Variants in NELFA observed in about 807,000 individuals in gnomAD.
NELFA encodes negative elongation factor complex member A.
A neutral mutation model predicts 51.8 loss-of-function variants in NELFA; 35 were observed. That is an observed-to-expected ratio of 0.68 (90% CI 0.52 to 0.90). NELFA has a LOEUF of 0.90. Among genes scored for constraint, NELFA ranks in the 40% least tolerant of loss-of-function variants. NELFA has a pLI of 0.00. For missense variants in NELFA, 658 were observed against 746.4 expected (o/e 0.88, Z 1.38); for synonymous variants, 417 against 338.4 (o/e 1.23, Z -2.55).
At chr4:2,006,902 C>T (rs1487044798) in intron 1 of NELFA, 5 of 151,316 alleles carry the variant, frequency 3.3e-5, no homozygotes, top group Non-Finnish European at 7.3e-5. Context: ...GACACTCTTA[C>T]AAAACAATGG....
chr4:1,984,261 G>A (rs1728012127), intron 8 of NELFA, 148 bp from the exon 9 acceptor site: 2 of 944,326 alleles, frequency 2.1e-6, no homozygotes, highest in East Asian at 5.5e-5. Context: ...CAAGGCACAG[G>A]CCCCAGAAGC....
At chr4:2,004,830 CAG>C (rs1361735892) in intron 1 of NELFA, among the ~76,000 whole-genome samples, 1 of 123,008 alleles carries the variant, frequency 8.1e-6, no homozygotes, top group Non-Finnish European at 1.7e-5. Context: ...TTTTTGGAGA[CAG>C]AGTCTTGCTG....
chr4:1,984,019 G>A lies in NELFA; in HGVS notation c.1131C>T (p.Tyr377=). ...PAQFKQRAPM[Y]NSGLSPATPT... Reference sequence around the variant, plus strand: ...GTGTGGCAGGGCTCAGGCCGCTGTTGTACATGGGCGCCCGCTGCTTGAACT... The same window carrying A: ...GTGTGGCAGGGCTCAGGCCGCTGTTATACATGGGCGCCCGCTGCTTGAACT... Residue 377 remains tyrosine (Y), a synonymous_variant, in exon 9 of 11, where the codon TAC becomes TAT. Coordinates refer to ENST00000382882, the MANE Select transcript of NELFA (RefSeq NM_005663.5). 2 of 1,608,138 alleles carry A rather than the reference G, an allele frequency of 1.2e-6. No homozygotes were observed. The highest frequency in any genetic ancestry group is 1.1e-5 in the South Asian group (1 of 90,996).
chr4:1,985,844 G>C lies in NELFA; in HGVS notation c.856C>G (p.Pro286Ala), dbSNP rs765938284. 6.2e-7 allele frequency: 1 copy of C among 1,613,064 alleles called. No individual in the cohort carries two copies. Among genetic ancestry groups the C allele is most frequent in the South Asian group, 1.1e-5 (1 of 90,984 alleles). The change falls in exon 7 of 11, where the codon CCG (proline) becomes GCG (alanine). Residue 286 changes from proline to alanine, a missense_variant. Around this residue, in one of 3 missense-constraint regions of NELFA, gnomAD observed 371 missense variants for 448.3 expected, o/e 0.83. Coordinates refer to ENST00000382882, the MANE Select transcript of NELFA (RefSeq NM_005663.5). ...TCCACCACCGTTTCCTCCTTGGCCG[G>C]CTTCTCCACCACCTCCGCATCTGTG... ...KTLDAEVVEK[P>A]AKEETVVENA...
rs745357806 is a variant in NELFA, at chr4:1,983,426, C to T, written c.1480G>A (p.Gly494Ser). 5.6e-6 allele frequency: 9 copies of T among 1,614,084 alleles called. No individual in the cohort carries two copies. The highest frequency in any genetic ancestry group is 2.2e-5 in the East Asian group (1 of 44,894). Residue 494 changes from glycine (G) to serine (S), a missense_variant, in exon 11 of 11, where the codon GGC becomes AGC. By Grantham distance (56) the Gly-to-Ser change is moderately conservative. This residue lies in a region of NELFA where 87 missense variants were observed against 130.2 expected (regional missense o/e 0.67). Coordinates refer to ENST00000382882, the MANE Select transcript of NELFA (RefSeq NM_005663.5). ...ACCAGCATGGTTGTGCTACCCTGGC[C>T]GTCCGCCTTGGGCAGGTCCTCCGTG... ...EHTEDLPKAD[G>S]QGSTTMLVDT... is the part of the protein sequence containing the mutation.
chr4:2,001,963 G>A (rs1728578697), intron 1 of NELFA, among the ~76,000 whole-genome samples: 3 of 150,978 alleles, frequency 2.0e-5, no homozygotes, highest in Admixed American at 6.6e-5. Context: ...CACTTTGGGA[G>A]GCCGAGGCGG....
chr4:1,992,516 C>A, intron 1 of NELFA: 1 of 416,360 alleles, frequency 2.4e-6, no homozygotes, highest in Non-Finnish European at 4.8e-6. Flanking sequence ...CATGCGCCCA[C>A]TGGGCTGCTC....
At chr4:1,998,506 C>T (rs563522974) in intron 1 of NELFA, among the ~76,000 whole-genome samples, 21 of 152,132 alleles carry the variant, frequency 1.4e-4, no homozygotes, top group African/African-American at 4.8e-4. Context: ...ATGAGTCATC[C>T]GCAAGTATTA....
At chr4:2,005,702 CAAACAAACAAACAAACAAAAACAAAA>C (rs1412637212) in intron 1 of NELFA, among the ~76,000 whole-genome samples, 1 of 151,252 alleles carries the variant, frequency 6.6e-6, no homozygotes, top group Non-Finnish European at 1.5e-5. Flanking sequence ...AAAAAACAAA[CAAACAAACAAACAAACAAAAACAAAA>C]ATCAACGCAT....
rs1728212680 is a variant in NELFA, at chr4:1,989,557, G to GTTT, written c.544+150_544+151insAAA. 6.2e-6 allele frequency: 5 copies of GTTT among 809,164 alleles called. No homozygotes were observed. The highest frequency in any genetic ancestry group is 9.6e-6 in the Non-Finnish European group (5 of 520,058). 50.1% of individuals were successfully genotyped at this position (809,164 alleles called of 1,614,324 possible). ...TGGTCTCAAACTCCTGGGCTCAAAC[G>GTTT]ACCCACCTGCCCCAGCCTCCCAACA... On this transcript the variant is annotated intron_variant, in intron 3 of 10. Transcript: ENST00000382882. The surrounding 1 kb of genome is among the most constrained non-coding windows in gnomAD (Gnocchi z 4.8).
chr4:1,987,843 G>T, intron 4 of NELFA, 75 bp downstream of exon 4: 1 of 1,273,918 alleles, frequency 7.8e-7, no homozygotes, highest in Non-Finnish European at 1.1e-6. Context: ...CTCCCCAACA[G>T]GGAGCGGGTC....
At chr4:2,000,477 T>C (rs1309865973) in intron 1 of NELFA, among the ~76,000 whole-genome samples, 2 of 152,176 alleles carry the variant, frequency 1.3e-5, no homozygotes, top group South Asian at 2.1e-4. Flanking sequence ...CTATCACAAC[T>C]GACCCCACAG....
Position 1,984,033 on chromosome 4 carries a change from G to T in NELFA, c.1117C>A (p.Arg373=). 6.2e-7 allele frequency: 1 copy of T among 1,606,864 alleles called. No homozygotes were observed. Among genetic ancestry groups the T allele is most frequent in the Non-Finnish European group, 8.5e-7 (1 of 1,179,300 alleles). Residue 373 remains arginine (R), a synonymous_variant, in exon 9 of 11, where the codon CGG becomes AGG. Transcript: ENST00000382882. ...AGGCCGCTGTTGTACATGGGCGCCCGCTGCTTGAACTGCGCTGGCAACGTG... is the reference window on the plus strand; with the variant it reads ...AGGCCGCTGTTGTACATGGGCGCCCTCTGCTTGAACTGCGCTGGCAACGTG... ...SPTLPAQFKQ[R]APMYNSGLSP...
In NELFA at chr4:1,989,691, C is replaced by A. The variant is rs149036374; in HGVS notation, c.544+17G>T. On this transcript the variant is annotated intron_variant, in intron 3 of 10. Transcript: ENST00000382882. This position sits in a 1 kb window ranked among gnomAD's most constrained non-coding sequence, Gnocchi z 4.8. ...AAACTACAAAGACAATGCCCGATGG[C>A]GGCCGCGGCCACTCACACTTCTGCA... 1.2e-6 allele frequency: 2 copies of A among 1,609,416 alleles called. No homozygotes were observed. The highest frequency in any genetic ancestry group is 3.4e-5 in the Admixed American group (2 of 59,370).
chr4:1,988,060 C>T (rs769506359), intron 3 of NELFA, 53 bp from the exon 4 acceptor site: 26 of 1,488,842 alleles, frequency 1.7e-5, no homozygotes, highest in Non-Finnish European at 2.2e-5. Context: ...GAGCCCTTGG[C>T]CCTTGTAAAA....
Position 1,984,097 on chromosome 4 carries a change from T to A in NELFA, c.1053A>T (p.Glu351Asp). Residue 351 changes from glutamate (E) to aspartate (D), a missense_variant, in exon 9 of 11, where the codon GAA (glutamate) becomes GAT (aspartate). Around this residue, in one of 3 missense-constraint regions of NELFA, gnomAD observed 200 missense variants for 167.9 expected, o/e 1.19. Transcript: ENST00000382882. ...TGGGCTCCTCTGGTGGGCGGCTGGC[T>A]TCCCGGGAAGATGGGGCTGCAAGTA... The part of the protein sequence containing the change: ...SETPPAPSSR[E>D]ASRPPEEPSA... The A allele has an allele frequency of 6.4e-7, 1 of 1,572,940 alleles. No individual in the cohort carries two copies. Among genetic ancestry groups the A allele is most frequent in the Non-Finnish European group, 8.6e-7 (1 of 1,166,182 alleles).
rs1451519534 is a variant in NELFA at position 1,991,685 on chromosome 4, G to C, written c.241C>G (p.Leu81Val). The C allele has an allele frequency of 3.1e-6, 5 of 1,611,634 alleles. No homozygotes were observed. The highest frequency in any genetic ancestry group is 1.7e-5 in the Admixed American group (1 of 59,476). Residue 81 changes from leucine (L) to valine (V), a missense_variant, in exon 2 of 11, where the codon CTC (leucine) becomes GTC (valine). Physicochemically the swap from Leu to Val is conservative, Grantham distance 32. Transcript: ENST00000382882. ...CAGGGGTCCGAGTCGAGGCTGGCGA[G>C]CTGGATGATCTCCATTAGGGCGCCC... ...MKGALMEIIQ[L>V]ASLDSDPWVL... is the part of the protein sequence containing the mutation.
In NELFA at chr4:1,989,453, G is replaced by A. The variant is rs540197449; in HGVS notation, c.544+255C>T. Among the ~76,000 whole-genome samples the A allele has an allele frequency of 1.6e-4, 25 of 152,074 alleles. No homozygotes were observed. In the East Asian group the frequency reaches 2.7e-3, roughly 17 times the overall value. On this transcript the variant is annotated intron_variant, in intron 3 of 10. Transcript: ENST00000382882. The surrounding 1 kb of genome is among the most constrained non-coding windows in gnomAD (Gnocchi z 4.8). ...GGTGATCCTCCTACCTCAGCCTTCCGAGTAGCTGGGAGCACAGGCACGCAC... is the reference window on the plus strand; with the variant it reads ...GGTGATCCTCCTACCTCAGCCTTCCAAGTAGCTGGGAGCACAGGCACGCAC...
At chr4:2,006,651 C>T (rs1728716939) in intron 1 of NELFA, among the ~76,000 whole-genome samples, 1 of 151,566 alleles carries the variant, frequency 6.6e-6, no homozygotes, top group South Asian at 2.1e-4. Context: ...GCGCATCAGT[C>T]CCAGCTACTA....
Sources: gnomAD v4.1 joint callset for allele counts (sites outside exome capture counted in the v4.1 genomes callset) on GRCh38, gnomAD v4.1.1 for gene constraint, gnomAD v4.1.1 regional missense constraint, Gnocchi (gnomAD v3.1) non-coding constraint, MANE v1.5 for transcripts, NCBI Gene and HGNC (gene_info 2026-07-23, HGNC 2026-07-21) for gene names.